UST: variants seen among roughly 807,000 people sequenced by gnomAD.
The protein encoded by UST is chondroitin sulfate 2-O-sulfotransferase.
A neutral mutation model predicts 45.6 loss-of-function variants in UST; 21 were observed. The observed-to-expected ratio is 0.46, with a 90% CI of 0.33 to 0.66. The LOEUF (loss-of-function observed/expected upper bound fraction) is 0.66, where lower values mean the gene tolerates loss of function less well. Among genes scored for constraint, UST ranks in the 30% least tolerant of loss-of-function variants. UST has a pLI of 0.02. For synonymous variants in UST, 215 were observed against 200.6 expected (o/e 1.07, Z -0.61); for missense variants, 463 against 512.4 (o/e 0.90, Z 0.93).
chr6:148,789,451 T>TCACACACACACACA (rs1448553656), intron 1 of UST, among the ~76,000 whole-genome samples: 1 of 132,932 alleles, frequency 7.5e-6, no homozygotes, highest in African/African-American at 2.8e-5. Flanking sequence ...TCTCTCTCTC[T>TCACACACACACACA]CTCACACACA....
chr6:148,793,761 G>A (rs1776896196), intron 1 of UST, among the ~76,000 whole-genome samples: 1 of 152,080 alleles, frequency 6.6e-6, no homozygotes, highest in African/African-American at 2.4e-5. Context: ...CTGAGTTCGT[G>A]GCTGCTTCTG....
intron 1 of UST, among the ~76,000 whole-genome samples, chr6:148,822,702 A>T (rs1777490276): frequency 6.6e-6 from 1 of 152,140 alleles, no homozygotes; most frequent in African/African-American, 2.4e-5. Flanking sequence ...AACAAACCTG[A>T]TTTCCCTTAT....
chr6:148,750,967 C>T, intron 1 of UST, among the ~76,000 whole-genome samples: 1 of 152,164 alleles, frequency 6.6e-6, no homozygotes, highest in East Asian at 1.9e-4. Flanking sequence ...TCAGCCTCAC[C>T]TGGGAATTTG....
intron 1 of UST, among the ~76,000 whole-genome samples, chr6:148,863,800 C>T (rs531104287): frequency 9.1e-4 from 138 of 152,310 alleles, no homozygotes; most frequent in Non-Finnish European, 1.5e-3. Context: ...GTATCACCAT[C>T]GGAGGCTGCA....
intron 1 of UST, among the ~76,000 whole-genome samples, chr6:148,865,581 A>T (rs1778410003): frequency 1.3e-5 from 2 of 152,150 alleles, no homozygotes; most frequent in Non-Finnish European, 2.9e-5. Flanking sequence ...AGCTGGCTCC[A>T]TGCCAAAGTG....
chr6:149,067,546 A>G (rs1485230018), intron 7 of UST, among the ~76,000 whole-genome samples: 1 of 152,186 alleles, frequency 6.6e-6, no homozygotes, highest in Non-Finnish European at 1.5e-5. Flanking sequence ...GTGTTCTAGC[A>G]AACATAGGGC....
intron 4 of UST, among the ~76,000 whole-genome samples, chr6:148,961,436 A>G (rs1780656015): frequency 6.6e-6 from 1 of 152,244 alleles, no homozygotes; most frequent in Non-Finnish European, 1.5e-5. Context: ...AGATCAAATT[A>G]GAGCTTTAGA....
chr6:149,037,982 C>A (rs1241506048), intron 7 of UST, among the ~76,000 whole-genome samples: 2 of 152,172 alleles, frequency 1.3e-5, no homozygotes, highest in Admixed American at 6.5e-5. Context: ...AGGGTTTGGC[C>A]TTCTTGGCTT....
intron 2 of UST, among the ~76,000 whole-genome samples, chr6:148,940,208 C>T (rs529183030): frequency 1.3e-5 from 2 of 152,116 alleles, no homozygotes; most frequent in South Asian, 2.1e-4. Flanking sequence ...AGTAACAGGT[C>T]AGGCATGGTG....
intron 4 of UST, chr6:148,958,896 A>G (rs1437612061): frequency 1.3e-5 from 2 of 152,232 alleles, no homozygotes; most frequent in Non-Finnish European, 2.9e-5. Context: ...GAGAGACACC[A>G]ATATGCTAAA....
At chr6:149,055,980 C>CAT (rs35084439) in intron 7 of UST, among the ~76,000 whole-genome samples, 59,569 of 151,768 alleles carry the variant, frequency 0.39, 12,793 homozygotes, top group African/African-American at 0.55. Context: ...TTTCTTCTCT[C>CAT]ATGTCAGAAA....
chr6:148,984,220 A>G (rs1781194191), intron 5 of UST, among the ~76,000 whole-genome samples: 1 of 152,242 alleles, frequency 6.6e-6, no homozygotes, highest in Non-Finnish European at 1.5e-5. Context: ...TTGAGAATGC[A>G]CTAATGAAAA....
chr6:149,026,534 A>G (rs1346776049), intron 7 of UST, among the ~76,000 whole-genome samples: 1 of 152,178 alleles, frequency 6.6e-6, no homozygotes, highest in Admixed American at 6.5e-5. Context: ...TAGGAGCTAA[A>G]ATCTCAGTGG....
intron 1 of UST, among the ~76,000 whole-genome samples, chr6:148,830,428 G>A (rs534127646): frequency 5.9e-5 from 9 of 152,250 alleles, no homozygotes; most frequent in South Asian, 4.2e-4. Flanking sequence ...CCACAAAGAC[G>A]ACCGGACTAA....
intron 7 of UST, among the ~76,000 whole-genome samples, chr6:149,036,119 T>G (rs1344627290): frequency 6.6e-6 from 1 of 152,198 alleles, no homozygotes; most frequent in African/African-American, 2.4e-5. Flanking sequence ...GGTTAGCAAA[T>G]CGGTATGGAG....
intron 1 of UST, among the ~76,000 whole-genome samples, chr6:148,811,398 C>T (rs1777253925): frequency 6.6e-6 from 1 of 152,034 alleles, no homozygotes; most frequent in South Asian, 2.1e-4. Context: ...CAAGTCTAGC[C>T]CAGATTCAAA....
At chr6:148,817,504 G>T (rs1777378761) in intron 1 of UST, among the ~76,000 whole-genome samples, 2 of 152,272 alleles carry the variant, frequency 1.3e-5, no homozygotes, top group Non-Finnish European at 2.9e-5. Flanking sequence ...TTGAAATCAG[G>T]TACATTAAGA....
chr6:148,984,626 C>T (rs2114984808), intron 5 of UST, among the ~76,000 whole-genome samples: 1 of 152,320 alleles, frequency 6.6e-6, no homozygotes, highest in Non-Finnish European at 1.5e-5. Flanking sequence ...CCTCAAACCC[C>T]TGGGCTCAAG....
chr6:148,874,616 A>G, intron 1 of UST, among the ~76,000 whole-genome samples: 1 of 152,212 alleles, frequency 6.6e-6, no homozygotes, highest in East Asian at 1.9e-4. Context: ...TTTTGTAAAA[A>G]TATTTAAATA....
Sources: gnomAD v4.1 joint callset for allele counts (sites outside exome capture counted in the v4.1 genomes callset) on GRCh38, gnomAD v4.1.1 for gene constraint, MANE v1.5 for transcripts, NCBI Gene and HGNC (gene_info 2026-07-23, HGNC 2026-07-21) for gene names.